Variants in GAS6 observed in about 807,000 individuals in gnomAD.
The protein encoded by GAS6 is growth arrest specific 6.
Under a neutral mutation model 75.8 loss-of-function variants are expected in GAS6, and 41 were observed. The observed-to-expected ratio is 0.54, with a 90% CI of 0.42 to 0.70. GAS6 has a LOEUF of 0.70. Ranked by LOEUF, GAS6 falls within the 30% of genes least tolerant of loss-of-function variation. The pLI is 0.00. For missense variants in GAS6, 854 were observed against 940.2 expected (o/e 0.91, Z 1.20); for synonymous variants, 432 against 412.6 (o/e 1.05, Z -0.57).
Position 113,820,800 on chromosome 13 carries a change from G to A in GAS6, c.*64C>T. The A allele has an allele frequency of 6.5e-7, 1 of 1,543,276 alleles. No homozygotes were observed. The highest frequency in any genetic ancestry group is 8.8e-7 in the Non-Finnish European group (1 of 1,141,770). ...TCAGCATGGCCCCACGTGGTGAGGA[G>A]CCCCCAGGCTCCTCCCGGCTGTCTC... On this transcript the variant is annotated 3_prime_UTR_variant, in exon 15 of 15. Transcript: ENST00000327773.
At chr13:113,853,040 G>T (rs896064473) in intron 2 of GAS6, among the ~76,000 whole-genome samples, 3 of 152,246 alleles carry the variant, frequency 2.0e-5, no homozygotes, top group Non-Finnish European at 4.4e-5. Context: ...CCTGCCTGCA[G>T]CTTGGTGAGG....
At chr13:113,834,724 C>T (rs774928836) in intron 7 of GAS6, 52 bp from the exon 8 acceptor site, 17 of 1,395,626 alleles carry the variant, frequency 1.2e-5, no homozygotes, top group Non-Finnish European at 1.5e-5. Flanking sequence ...TACGCTGTCC[C>T]GCCGTGGGAT....
At chr13:113,825,993 G>A (rs917876083) in intron 12 of GAS6, among the ~76,000 whole-genome samples, 10 of 152,280 alleles carry the variant, frequency 6.6e-5, no homozygotes, top group African/African-American at 1.4e-4. Context: ...CACCATAAAC[G>A]GCTCGGTGTC....
chr13:113,825,097 A>C (rs1351528036), intron 12 of GAS6, among the ~76,000 whole-genome samples: 1 of 152,032 alleles, frequency 6.6e-6, no homozygotes, highest in Non-Finnish European at 1.5e-5. Context: ...GCATGCCTGT[A>C]ATCCCATCTA....
intron 6 of GAS6, chr13:113,835,941 A>C: frequency 1.7e-6 from 2 of 1,165,286 alleles, no homozygotes; most frequent in East Asian, 8.4e-5. Context: ...TGTTCCATTT[A>C]AATGACGGTG....
intron 2 of GAS6, among the ~76,000 whole-genome samples, chr13:113,859,954 G>C (rs543533609): frequency 1.3e-5 from 2 of 152,200 alleles, no homozygotes; most frequent in African/African-American, 4.8e-5. Context: ...ACTCAGAGGG[G>C]TTTTCATTTC....
At chr13:113,841,790 AG>A (rs2051783793) in intron 4 of GAS6, 1 of 75,000 alleles carries the variant, frequency 1.3e-5, no homozygotes, top group African/African-American at 5.9e-5. Flanking sequence ...TACGCCCCAC[AG>A]TTTCCTCCAT....
At chr13:113,836,779 G>GA in intron 6 of GAS6, among the ~76,000 whole-genome samples, 1 of 108,748 alleles carries the variant, frequency 9.2e-6, no homozygotes, top group Non-Finnish European at 1.9e-5. Flanking sequence ...GGGGAGTGGG[G>GA]GGAGGAGGAG....
At position 113,832,717 on chromosome 13, in the gene GAS6, C is replaced by T; in HGVS notation, c.870G>A (p.Lys290=). 6.2e-7 allele frequency: 1 copy of T among 1,612,768 alleles called. No individual in the cohort carries two copies. The highest frequency in any genetic ancestry group is 8.5e-7 in the Non-Finnish European group (1 of 1,179,968). The change falls in exon 9 of 15, where the codon AAG becomes AAA. Residue 290 remains lysine, a synonymous_variant. Coordinates refer to ENST00000327773, the MANE Select transcript of GAS6 (RefSeq NM_000820.4). ...GGCCCAGGTACAAGGACTTCACACT[C>T]TTGGCCACGCTGAAGGGCACGCACG... ...ILPCVPFSVA[K]SVKSLYLGRM... is the part of the protein sequence containing the mutation.
At chr13:113,853,638 A>G (rs903429455) in intron 2 of GAS6, among the ~76,000 whole-genome samples, 1 of 152,248 alleles carries the variant, frequency 6.6e-6, no homozygotes, top group Non-Finnish European at 1.5e-5. Context: ...TATCAACACC[A>G]TAACTTTCTC....
intron 13 of GAS6, 29 bp from the exon 14 acceptor site, chr13:113,822,215 C>T: frequency 2.0e-6 from 3 of 1,480,948 alleles, no homozygotes; most frequent in South Asian, 2.7e-5. Context: ...TGGTCAGGGC[C>T]TGCCGGCCAC....
chr13:113,863,518 G>T lies in GAS6; in HGVS notation c.255+57C>A. The T allele has an allele frequency of 6.8e-7, 1 of 1,465,808 alleles. No homozygotes were observed. Among genetic ancestry groups the T allele is most frequent in the Non-Finnish European group, 9.0e-7 (1 of 1,112,640 alleles). 90.8% of individuals were successfully genotyped at this position (1,465,808 alleles called of 1,614,324 possible). On this transcript the variant is annotated intron_variant, in intron 2 of 14. Coordinates refer to ENST00000327773, the MANE Select transcript of GAS6 (RefSeq NM_000820.4). This position sits in a 1 kb window ranked among gnomAD's most constrained non-coding sequence, Gnocchi z 9.4. The stretch of plus-strand genomic sequence containing the variant: ...GGCAGCAGCGCTGCCTCTCGGGAGC[G>T]GTTGGAGGCGCGCGGGCGCCAGGGG...
intron 2 of GAS6, among the ~76,000 whole-genome samples, chr13:113,851,767 A>G (rs2051878539): frequency 6.6e-6 from 1 of 152,250 alleles, no homozygotes; most frequent in Admixed American, 6.5e-5. Context: ...TAAATCATAG[A>G]TAAGTACTTG....
intron 6 of GAS6, among the ~76,000 whole-genome samples, chr13:113,836,893 G>GGGGGAGGAGGA: frequency 8.6e-6 from 1 of 115,888 alleles, no homozygotes; most frequent in African/African-American, 3.3e-5. Context: ...GGGGGAGTGG[G>GGGGGAGGAGGA]GAAAGGAGGA....
intron 2 of GAS6, among the ~76,000 whole-genome samples, chr13:113,850,306 T>G (rs758396035): frequency 6.6e-6 from 1 of 152,052 alleles, no homozygotes; most frequent in Non-Finnish European, 1.5e-5. Flanking sequence ...GGAGTCCCCA[T>G]GGAGCAGAGG....
chr13:113,821,586 C>T (rs984339765), intron 14 of GAS6: 10 of 281,296 alleles, frequency 3.6e-5, no homozygotes, highest in South Asian at 7.4e-5. Flanking sequence ...TCACTCTGTT[C>T]GCTGCTAACA....
intron 12 of GAS6, among the ~76,000 whole-genome samples, chr13:113,825,592 G>C (rs576051678): frequency 6.6e-6 from 1 of 152,330 alleles, no homozygotes; most frequent in South Asian, 2.1e-4. Flanking sequence ...AATGGCCCCT[G>C]TGATGCCTGC....
In GAS6 at chr13:113,823,445, G is replaced by C. The variant is rs1442594697; in HGVS notation, c.1583C>G (p.Pro528Arg). The stretch of plus-strand genomic sequence containing the variant: ...AGAGAGAGGCACGGCACGGAGGTCG[G>C]GGGCCCAGAGCGCAAACAGCACGCC... ...DTGVLFALWA[P>R]DLRAVPLSVA... Residue 528 changes from proline to arginine, a missense_variant, in exon 13 of 15, where the codon CCC (proline) becomes CGC (arginine). Transcript: ENST00000327773. 6.2e-7 allele frequency: 1 copy of C among 1,612,800 alleles called. No individual in the cohort carries two copies. The highest frequency in any genetic ancestry group is 1.1e-5 in the South Asian group (1 of 91,080).
At position 113,839,837 on chromosome 13, in the gene GAS6, C is replaced by A; in HGVS notation, c.357G>T (p.Gln119His). 6.2e-7 allele frequency: 1 copy of A among 1,613,932 alleles called. No individual in the cohort carries two copies. The highest frequency in any genetic ancestry group is 8.5e-7 in the Non-Finnish European group (1 of 1,179,978). The change falls in exon 5 of 15, where the codon CAG (glutamine) becomes CAT (histidine). Residue 119 changes from glutamine to histidine, a missense_variant. Gln to His is a conservative substitution (Grantham distance 24, BLOSUM62 0). Transcript: ENST00000327773. ...TCCTATCGCAGGGGTTGGGCGTGCA[C>A]TGGTCAGGCAGGTCTGATTGGGGAC... ...FATCVQNLPD[Q>H]CTPNPCDRKG...
Sources: gnomAD v4.1 joint callset for allele counts (sites outside exome capture counted in the v4.1 genomes callset) on GRCh38, gnomAD v4.1.1 for gene constraint, Gnocchi (gnomAD v3.1) non-coding constraint, MANE v1.5 for transcripts, NCBI Gene and HGNC (gene_info 2026-07-23, HGNC 2026-07-21) for gene names.